Variants in PRIMA1 observed in about 807,000 individuals in gnomAD.
PRIMA1 encodes the protein proline rich membrane anchor 1.
A neutral mutation model predicts 17.5 loss-of-function variants in PRIMA1; 7 were observed. That is an observed-to-expected ratio of 0.40 (90% CI 0.23 to 0.75). The LOEUF (loss-of-function observed/expected upper bound fraction) is 0.75. Ranked by LOEUF, PRIMA1 falls within the 30% of genes least tolerant of loss-of-function variation. PRIMA1 has a pLI of 0.37. For synonymous variants in PRIMA1, 97 were observed against 77.9 expected (o/e 1.25, Z -1.29); for missense variants, 200 against 201.8 (o/e 0.99, Z 0.05).
At chr14:93,736,819 T>C (rs1284873936) in intron 4 of PRIMA1, among the ~76,000 whole-genome samples, 2 of 152,260 alleles carry the variant, frequency 1.3e-5, no homozygotes, top group African/African-American at 4.8e-5. Context: ...TCAGGAAATG[T>C]TTTAAAAACT....
chr14:93,748,437 C>T (rs1029409011), intron 3 of PRIMA1, among the ~76,000 whole-genome samples: 3 of 152,098 alleles, frequency 2.0e-5, no homozygotes, highest in South Asian at 2.1e-4. Context: ...TGGAAAGGGG[C>T]GATAGGGCCA....
chr14:93,785,795 G>A (rs371066284), intron 2 of PRIMA1, among the ~76,000 whole-genome samples: 6 of 151,872 alleles, frequency 4.0e-5, no homozygotes, highest in Non-Finnish European at 7.4e-5. Context: ...TTGTCTGGAG[G>A]GTTCCTTTTT....
chr14:93,729,852 T>C (rs943994292), intron 4 of PRIMA1, among the ~76,000 whole-genome samples: 12 of 145,902 alleles, frequency 8.2e-5, no homozygotes, highest in African/African-American at 3.1e-4. Flanking sequence ...TCAGGGTACA[T>C]GCGTATGGGG....
At chr14:93,765,164 G>A (rs1434138508) in intron 3 of PRIMA1, among the ~76,000 whole-genome samples, 3 of 151,706 alleles carry the variant, frequency 2.0e-5, no homozygotes, top group Non-Finnish European at 4.4e-5. Flanking sequence ...AACCAAAACC[G>A]AGACATGGCC....
rs1322818586 is a variant in PRIMA1 at position 93,718,863 on chromosome 14, T to A, written c.*2581A>T. The A allele has an allele frequency of 6.6e-6, 1 of 152,410 alleles. No individual in the cohort carries two copies. Among genetic ancestry groups the A allele is most frequent in the Non-Finnish European group, 1.5e-5 (1 of 68,018 alleles). 9.4% of individuals were successfully genotyped at this position (152,410 alleles called of 1,614,324 possible). A position where few individuals can be genotyped will look rare whatever the true frequency, so the allele number is the denominator to read the frequency against. The stretch of plus-strand genomic sequence containing the variant: ...AAAATGAGAAGGGAAGTGCATTTCA[T>A]TCTTGACCTCAGGGCTCGGACTAGC... On this transcript the variant is annotated 3_prime_UTR_variant, in exon 5 of 5. Coordinates refer to ENST00000393140, the MANE Select transcript of PRIMA1 (RefSeq NM_178013.4).
chr14:93,747,707 TGA>T (rs778723670), intron 3 of PRIMA1, among the ~76,000 whole-genome samples: 15 of 150,032 alleles, frequency 1.0e-4, no homozygotes, highest in East Asian at 3.9e-4. Context: ...TATGAGTGTG[TGA>T]GTGTATGAGT....
At chr14:93,770,807 T>C (rs1885037195) in intron 3 of PRIMA1, among the ~76,000 whole-genome samples, 1 of 152,178 alleles carries the variant, frequency 6.6e-6, no homozygotes, top group Non-Finnish European at 1.5e-5. Flanking sequence ...TCCCAGCACC[T>C]AGTACCTAGT....
chr14:93,725,105 C>T (rs1001947587), intron 4 of PRIMA1, among the ~76,000 whole-genome samples: 2 of 151,286 alleles, frequency 1.3e-5, no homozygotes, highest in Admixed American at 6.6e-5. Context: ...CCCTGGAAGG[C>T]AGGGTGAGGA....
intron 4 of PRIMA1, among the ~76,000 whole-genome samples, chr14:93,731,869 G>T (rs984836848): frequency 5.3e-5 from 8 of 152,262 alleles, no homozygotes; most frequent in Admixed American, 5.2e-4. Flanking sequence ...CCATCAAAAA[G>T]GCTTGAGCAT....
chr14:93,768,336 C>T (rs1346094971), intron 3 of PRIMA1, among the ~76,000 whole-genome samples: 1 of 152,160 alleles, frequency 6.6e-6, no homozygotes, highest in Non-Finnish European at 1.5e-5. Context: ...TCGCCTGCAA[C>T]TCCCCCAGTC....
intron 2 of PRIMA1, among the ~76,000 whole-genome samples, chr14:93,785,168 C>G (rs1158406146): frequency 7.5e-6 from 1 of 133,400 alleles, no homozygotes; most frequent in Non-Finnish European, 1.5e-5. Flanking sequence ...AATTTGCCAG[C>G]CTGTCATCCT....
At chr14:93,752,844 C>T (rs2076268633) in intron 3 of PRIMA1, among the ~76,000 whole-genome samples, 1 of 152,340 alleles carries the variant, frequency 6.6e-6, no homozygotes, top group South Asian at 2.1e-4. Context: ...CATCAAATGC[C>T]CATCTGCCCA....
At chr14:93,761,115 G>A (rs561213542) in intron 3 of PRIMA1, among the ~76,000 whole-genome samples, 4 of 151,990 alleles carry the variant, frequency 2.6e-5, no homozygotes, top group Non-Finnish European at 4.4e-5. Context: ...GGAGGCCAAG[G>A]CGGGTGGATC....
chr14:93,729,887 A>C (rs1335877945), intron 4 of PRIMA1, among the ~76,000 whole-genome samples: 1 of 151,596 alleles, frequency 6.6e-6, no homozygotes, highest in African/African-American at 2.4e-5. Flanking sequence ...CAGGAGGCCT[A>C]CTGAAGAAAT....
intron 3 of PRIMA1, among the ~76,000 whole-genome samples, chr14:93,778,203 C>T (rs189542720): frequency 6.6e-6 from 1 of 152,298 alleles, no homozygotes; most frequent in African/African-American, 2.4e-5. Flanking sequence ...CCCAAGAAGA[C>T]GCATTTTAAA....
intron 3 of PRIMA1, among the ~76,000 whole-genome samples, chr14:93,769,164 G>A (rs1884980344): frequency 6.6e-6 from 1 of 152,218 alleles, no homozygotes; most frequent in African/African-American, 2.4e-5. Context: ...CCCATTTTAT[G>A]AATGAGGAAG....
intron 3 of PRIMA1, among the ~76,000 whole-genome samples, chr14:93,756,596 C>T (rs1476935750): frequency 2.0e-5 from 3 of 151,986 alleles, no homozygotes; most frequent in Non-Finnish European, 4.4e-5. Context: ...CCCATGCCTT[C>T]AAGTCCCAGC....
chr14:93,786,180 A>G (rs922130135), intron 2 of PRIMA1, among the ~76,000 whole-genome samples: 9 of 152,238 alleles, frequency 5.9e-5, no homozygotes, highest in Non-Finnish European at 8.8e-5. Context: ...TCTGAGGTTC[A>G]GCTAAAAGTT....
intron 3 of PRIMA1, among the ~76,000 whole-genome samples, chr14:93,737,952 G>A (rs997052721): frequency 6.6e-6 from 1 of 152,140 alleles, no homozygotes; most frequent in African/African-American, 2.4e-5. Flanking sequence ...GCAGGCGGGG[G>A]TGGGGAGCGG....
Sources: allele counts gnomAD v4.1 joint callset (sites outside exome capture counted in the v4.1 genomes callset), GRCh38; gene constraint gnomAD v4.1.1; transcripts MANE v1.5; gene names NCBI Gene and HGNC (gene_info 2026-07-23, HGNC 2026-07-21).